Variants in DLGAP2 observed in about 807,000 individuals in gnomAD.
DLGAP2 encodes the protein disks large-associated protein 2.
In DLGAP2, 26 loss-of-function variants were observed where a neutral mutation model predicts 100.3. The ratio of observed to expected loss-of-function variants is 0.26; its 90% CI spans 0.19 to 0.36. DLGAP2 has a LOEUF of 0.36. Ranked by LOEUF, DLGAP2 falls within the 10% of genes least tolerant of loss-of-function variation. The pLI is 1.00. For synonymous variants in DLGAP2, 886 were observed against 630.1 expected, an observed-to-expected ratio of 1.41 and a Z score of -6.08; for missense variants, 1,858 against 1,453.2, an observed-to-expected ratio of 1.28 and a Z score of -4.53.
At chr8:1,020,020 A>T (rs1051116449) in intron 2 of DLGAP2, among the ~76,000 whole-genome samples, 1 of 152,250 alleles carries the variant, frequency 6.6e-6, no homozygotes, top group Non-Finnish European at 1.5e-5. Flanking sequence ...TAAGTTGCTT[A>T]ACATTTTAAC....
At chr8:1,132,327 C>T (rs1172203575) in intron 2 of DLGAP2, among the ~76,000 whole-genome samples, 1 of 152,106 alleles carries the variant, frequency 6.6e-6, no homozygotes, top group African/African-American at 2.4e-5. Flanking sequence ...ACTAGACTAC[C>T]TGAAGCATTG....
At chr8:1,364,005 A>C (rs1802047394) in intron 3 of DLGAP2, among the ~76,000 whole-genome samples, 1 of 152,228 alleles carries the variant, frequency 6.6e-6, no homozygotes, top group East Asian at 1.9e-4. Context: ...TGTCAGGTGC[A>C]CCAGGTGGTA....
At chr8:1,230,784 T>C (rs2116832872) in intron 2 of DLGAP2, among the ~76,000 whole-genome samples, 1 of 152,330 alleles carries the variant, frequency 6.6e-6, no homozygotes, top group East Asian at 1.9e-4. Context: ...ATAAATGTTA[T>C]TAGCATAACT....
chr8:1,418,079 AAAATAAATGTAACTCCTGTCCCTCCACC>A (rs1796981757), intron 3 of DLGAP2, among the ~76,000 whole-genome samples: 1 of 152,200 alleles, frequency 6.6e-6, no homozygotes, highest in Non-Finnish European at 1.5e-5. Flanking sequence ...CTCATTAGCA[AAAATAAATGTAACTCCTGTCCCTCCACC>A]AAATAAAAGA....
rs144531483 is a variant in DLGAP2 at position 851,776 on chromosome 8, C to T, written c.19-56136C>T. 3.5e-3 allele frequency among the ~76,000 whole-genome samples: 526 copies of T among 152,338 alleles called. 4 individuals are homozygous for T. Among genetic ancestry groups the T allele is most frequent in the African/African-American group, 0.012 (506 of 41,582 alleles). On this transcript the variant is annotated intron_variant, in intron 1 of 14. Transcript: ENST00000637795. ...TTCACGGAGACCACGCCACGTGCCC[C>T]GCAGCCTGCTAGATGCCAGGAACCA...
At chr8:912,905 T>C (rs1007121770) in intron 2 of DLGAP2, among the ~76,000 whole-genome samples, 2 of 152,322 alleles carry the variant, frequency 1.3e-5, no homozygotes, top group Admixed American at 6.5e-5. Flanking sequence ...CGCACTGTGG[T>C]GCCCGCCTTC....
At chr8:1,023,604 C>G (rs572834078) in intron 2 of DLGAP2, among the ~76,000 whole-genome samples, 187 of 150,992 alleles carry the variant, frequency 1.2e-3, no homozygotes, top group African/African-American at 4.4e-3. Context: ...GTCGGCAGGC[C>G]CCGTTTGTTC....
intron 3 of DLGAP2, among the ~76,000 whole-genome samples, chr8:1,380,489 T>G (rs1433055939): frequency 6.6e-6 from 1 of 152,138 alleles, no homozygotes; most frequent in East Asian, 1.9e-4. Context: ...CCAGAGATGC[T>G]CAGCTGCACA....
chr8:1,562,549 G>T (rs1802211159), intron 5 of DLGAP2, among the ~76,000 whole-genome samples: 1 of 46,756 alleles, frequency 2.1e-5, no homozygotes, highest in Non-Finnish European at 4.1e-5. Flanking sequence ...ACTGTGTGGT[G>T]TTGGGTGTCC....
Position 1,614,951 on chromosome 8 carries a change from C to T in DLGAP2, c.1443-11789C>T, listed in dbSNP as rs916120555. Among the ~76,000 whole-genome samples the T allele has an allele frequency of 2.8e-4, 42 of 152,368 alleles. 1 individual carries two copies. Among genetic ancestry groups the T allele is most frequent in the African/African-American group, 9.4e-4 (39 of 41,596 alleles). On this transcript the variant is annotated intron_variant, in intron 6 of 14. Coordinates refer to ENST00000637795, the MANE Select transcript of DLGAP2 (RefSeq NM_001346810.2). ...CATTTTAAAGGAAAGGCGCCGCGCTCACTCGCGGCTGCCCATGGTCCTGTG... is the reference window on the plus strand; with the variant it reads ...CATTTTAAAGGAAAGGCGCCGCGCTTACTCGCGGCTGCCCATGGTCCTGTG...
intron 6 of DLGAP2, among the ~76,000 whole-genome samples, chr8:1,576,443 C>A (rs1246243052): frequency 1.3e-5 from 2 of 152,142 alleles, no homozygotes; most frequent in Admixed American, 6.6e-5. Flanking sequence ...ATAGTAGTTT[C>A]TTTTGCTGTT....
At chr8:778,401 C>T (rs1024071727) in intron 1 of DLGAP2, among the ~76,000 whole-genome samples, 3 of 152,206 alleles carry the variant, frequency 2.0e-5, no homozygotes, top group African/African-American at 4.8e-5. Flanking sequence ...AACTGCGTTC[C>T]GTTGGAGGAG....
intron 6 of DLGAP2, among the ~76,000 whole-genome samples, chr8:1,597,819 G>C (rs970349260): frequency 6.6e-6 from 1 of 152,192 alleles, no homozygotes; most frequent in Admixed American, 6.5e-5. Context: ...TGCAAACAGA[G>C]AGAATTTGAC....
At chr8:996,344 A>G (rs1222673275) in intron 2 of DLGAP2, among the ~76,000 whole-genome samples, 2 of 152,172 alleles carry the variant, frequency 1.3e-5, no homozygotes, top group Non-Finnish European at 2.9e-5. Flanking sequence ...CGAGGGCCCC[A>G]GTGTCACCAT....
intron 2 of DLGAP2, among the ~76,000 whole-genome samples, chr8:1,238,604 C>T (rs1250574021): frequency 3.5e-4 from 33 of 93,848 alleles, no homozygotes; most frequent in Admixed American, 8.6e-4. Context: ...CACATGGTGC[C>T]GTGTCTAGTT....
chr8:1,578,522 C>T (rs574148907), intron 6 of DLGAP2, among the ~76,000 whole-genome samples: 251 of 152,208 alleles, frequency 1.6e-3, no homozygotes, highest in African/African-American at 5.8e-3. Flanking sequence ...AGCCCTCCTT[C>T]TAAACCACAG....
In DLGAP2 at chr8:1,375,165, T is replaced by C. The variant is rs1802360522; in HGVS notation, c.106+116282T>C. ...ACCTCAGAACTGATCCCCCACCTCC[T>C]ACATTTGGGTTAACGACCCCTCTCC... is the stretch of plus-strand genomic sequence containing the variant. On this transcript the variant is annotated intron_variant, in intron 3 of 14. Transcript: ENST00000637795. Among the ~76,000 whole-genome samples the C allele has an allele frequency of 2.9e-5, 3 of 103,046 alleles. 1 individual carries two copies. Among genetic ancestry groups the C allele is most frequent in the Admixed American group, 2.0e-4 (2 of 10,136 alleles). The allele number at this position is 103,046 out of a possible 152,430, so 67.6% of individuals were successfully genotyped here.
intron 2 of DLGAP2, among the ~76,000 whole-genome samples, chr8:1,172,301 C>G (rs564839184): frequency 2.2e-4 from 34 of 152,298 alleles, no homozygotes; most frequent in African/African-American, 5.8e-4. Context: ...ACCTTTCTCT[C>G]TGGCTCTCCT....
chr8:1,123,502 CCTGT>C (rs1430946384), intron 2 of DLGAP2, among the ~76,000 whole-genome samples: 1 of 152,088 alleles, frequency 6.6e-6, no homozygotes, highest in Non-Finnish European at 1.5e-5. Flanking sequence ...TGGAAAGATG[CCTGT>C]TAGCTTTGGA....
Sources: allele counts gnomAD v4.1 joint callset (sites outside exome capture counted in the v4.1 genomes callset), GRCh38; gene constraint gnomAD v4.1.1; transcripts MANE v1.5; gene names NCBI Gene and HGNC (gene_info 2026-07-23, HGNC 2026-07-21).